Variants in GALNTL6 observed in about 807,000 individuals in gnomAD.
The protein encoded by GALNTL6 is polypeptide N-acetylgalactosaminyltransferase like 6, also known as polypeptide N-acetylgalactosaminyltransferase-like 6.
Under a neutral mutation model 73.7 loss-of-function variants are expected in GALNTL6, and 46 were observed. The observed-to-expected ratio is 0.62, with a 90% CI of 0.49 to 0.80. The LOEUF (loss-of-function observed/expected upper bound fraction) is 0.80, where lower values mean the gene tolerates loss of function less well. Among genes scored for constraint, GALNTL6 ranks in the 30% least tolerant of loss-of-function variants. GALNTL6 has a pLI of 0.00. For synonymous variants in GALNTL6, 259 were observed against 263.7 expected, an observed-to-expected ratio of 0.98 and a Z score of 0.17; for missense variants, 604 against 755.0, an observed-to-expected ratio of 0.80 and a Z score of 2.34.
chr4:172,975,023 C>T (rs1042395233), intron 10 of GALNTL6, among the ~76,000 whole-genome samples: 1 of 152,226 alleles, frequency 6.6e-6, no homozygotes, highest in East Asian at 1.9e-4. Context: ...CAGCTCTTCC[C>T]TCTCTTCTCT....
intron 2 of GALNTL6, among the ~76,000 whole-genome samples, chr4:172,043,481 T>C (rs1742142411): frequency 6.6e-6 from 1 of 152,100 alleles, no homozygotes; most frequent in African/African-American, 2.4e-5. Flanking sequence ...ATGGATCATA[T>C]GCATTTATTT....
chr4:171,936,763 A>T (rs1025403749), intron 2 of GALNTL6, among the ~76,000 whole-genome samples: 2 of 152,202 alleles, frequency 1.3e-5, no homozygotes, highest in Admixed American at 6.5e-5. Flanking sequence ...TCACTTTTAG[A>T]AATAGTTTAT....
intron 2 of GALNTL6, among the ~76,000 whole-genome samples, chr4:171,839,025 C>T (rs1735174947): frequency 6.6e-6 from 1 of 151,912 alleles, no homozygotes; most frequent in South Asian, 2.1e-4. Flanking sequence ...CATGATGTAC[C>T]ATGGAAATGA....
intron 2 of GALNTL6, among the ~76,000 whole-genome samples, chr4:172,140,661 T>C (rs753152941): frequency 6.6e-6 from 1 of 152,060 alleles, no homozygotes; most frequent in African/African-American, 2.4e-5. Context: ...TCAACTGTTA[T>C]GTTAGTCTCA....
intron 5 of GALNTL6, among the ~76,000 whole-genome samples, chr4:172,463,281 A>G (rs999536204): frequency 6.6e-6 from 1 of 152,070 alleles, no homozygotes; most frequent in South Asian, 2.1e-4. Context: ...TTTCTCCCTC[A>G]TAGGGAGCAT....
chr4:172,132,059 A>G (rs1733513460), intron 2 of GALNTL6, among the ~76,000 whole-genome samples: 1 of 152,116 alleles, frequency 6.6e-6, no homozygotes, highest in Admixed American at 6.6e-5. Context: ...AGATGATTTT[A>G]AGAGAATAAC....
chr4:172,578,147 G>A (rs1737031224), intron 5 of GALNTL6, among the ~76,000 whole-genome samples: 1 of 151,884 alleles, frequency 6.6e-6, no homozygotes, highest in South Asian at 2.1e-4. Context: ...TATCATATGT[G>A]GTAAAAATTG....
At chr4:171,851,828 A>G (rs144355678) in intron 2 of GALNTL6, among the ~76,000 whole-genome samples, 207 of 152,328 alleles carry the variant, frequency 1.4e-3, no homozygotes, top group African/African-American at 4.4e-3. Flanking sequence ...TTCCTCAAAC[A>G]TAAATATTTC....
rs147051311 is a variant in GALNTL6 at position 172,984,494 on chromosome 4, G to T, written c.1372-24684G>T. ...TACAATCAATTCAAGGTGATATTTT[G>T]GGGGGCGGGGAGCACAGAGCCAAAC... On this transcript the variant is annotated intron_variant, in intron 10 of 12. Transcript: ENST00000506823. Among the ~76,000 whole-genome samples the T allele has an allele frequency of 4.2e-3, 635 of 152,284 alleles. 3 individuals are homozygous for T. The highest frequency in any genetic ancestry group is 0.02 in the Middle Eastern group (6 of 294).
intron 5 of GALNTL6, among the ~76,000 whole-genome samples, chr4:172,440,995 T>C (rs1363325120): frequency 6.6e-6 from 1 of 152,134 alleles, no homozygotes; most frequent in Non-Finnish European, 1.5e-5. Flanking sequence ...TATTTAGAAA[T>C]AACTTCCCAT....
At chr4:171,991,363 C>T (rs142476623) in intron 2 of GALNTL6, among the ~76,000 whole-genome samples, 1 of 152,108 alleles carries the variant, frequency 6.6e-6, no homozygotes, top group African/African-American at 2.4e-5. Flanking sequence ...TCTCACAGTT[C>T]AATGAAGTGC....
chr4:172,705,134 C>T (rs1397466504), intron 5 of GALNTL6, among the ~76,000 whole-genome samples: 6 of 151,642 alleles, frequency 4.0e-5, no homozygotes, highest in African/African-American at 1.5e-4. Context: ...TCCATTCACC[C>T]ACCCTTTATC....
At chr4:171,957,118 T>C (rs1739075560) in intron 2 of GALNTL6, among the ~76,000 whole-genome samples, 1 of 152,194 alleles carries the variant, frequency 6.6e-6, no homozygotes, top group South Asian at 2.1e-4. Flanking sequence ...CTGTTAAAAG[T>C]AGTTTTCTCA....
At chr4:172,956,480 G>A (rs2126361538) in intron 10 of GALNTL6, among the ~76,000 whole-genome samples, 1 of 152,356 alleles carries the variant, frequency 6.6e-6, no homozygotes, top group African/African-American at 2.4e-5. Flanking sequence ...TTAAGAGGGA[G>A]TCAAGAGTGG....
chr4:172,451,179 C>T (rs1420615082), intron 5 of GALNTL6, among the ~76,000 whole-genome samples: 1 of 152,180 alleles, frequency 6.6e-6, no homozygotes, highest in Non-Finnish European at 1.5e-5. Flanking sequence ...ATTTAGCCAA[C>T]ACTGTATGTT....
chr4:172,241,225 T>C (rs1295843266), intron 3 of GALNTL6, among the ~76,000 whole-genome samples: 1 of 152,220 alleles, frequency 6.6e-6, no homozygotes, highest in Admixed American at 6.5e-5. Context: ...CTATGATTTC[T>C]CACATTTGTA....
In GALNTL6 at chr4:172,490,115, T is replaced by A. The variant is rs186782551; in HGVS notation, c.553+141426T>A. Among the ~76,000 whole-genome samples the A allele has an allele frequency of 2.1e-3, 322 of 152,264 alleles. 2 individuals are homozygous for A. Among genetic ancestry groups the A allele is most frequent in the Middle Eastern group, 0.017 (5 of 294 alleles). On this transcript the variant is annotated intron_variant, in intron 5 of 12. Transcript: ENST00000506823. ...TGCAGGAGTCTTGCCTCAGGGTTTTTAAATGGATGAATAATATATAAACTC... is the reference window on the plus strand; with the variant it reads ...TGCAGGAGTCTTGCCTCAGGGTTTTAAAATGGATGAATAATATATAAACTC...
At chr4:172,467,590 G>A (rs1040903091) in intron 5 of GALNTL6, among the ~76,000 whole-genome samples, 2 of 152,074 alleles carry the variant, frequency 1.3e-5, no homozygotes, top group African/African-American at 4.8e-5. Context: ...TATCTTCCTG[G>A]TACTGGCACA....
intron 2 of GALNTL6, among the ~76,000 whole-genome samples, chr4:171,868,843 C>T (rs1351217086): frequency 1.3e-5 from 2 of 152,022 alleles, no homozygotes; most frequent in Non-Finnish European, 2.9e-5. Context: ...CCCCACCTGG[C>T]TAAGTTTTTG....
Sources: gnomAD v4.1 joint callset for allele counts (sites outside exome capture counted in the v4.1 genomes callset) on GRCh38, gnomAD v4.1.1 for gene constraint, MANE v1.5 for transcripts, NCBI Gene and HGNC (gene_info 2026-07-23, HGNC 2026-07-21) for gene names.